The following TMTC1 variants were observed in gnomAD, a reference collection of about 807,000 sequenced individuals.
The protein encoded by TMTC1 is transmembrane O-mannosyltransferase targeting cadherins 1.
TMTC1 carries 73 observed loss-of-function variants against 104.8 expected under a neutral mutation model. The ratio of observed to expected loss-of-function variants is 0.70; its 90% CI spans 0.58 to 0.85. The LOEUF (loss-of-function observed/expected upper bound fraction) is 0.85, where lower values mean the gene tolerates loss of function less well. Ranked by LOEUF, TMTC1 falls within the 40% of genes least tolerant of loss-of-function variation. TMTC1 has a pLI of 0.00. For missense variants in TMTC1, 1,035 were observed against 1,096.1 expected (o/e 0.94, Z 0.79); for synonymous variants, 434 against 428.7 (o/e 1.01, Z -0.15).
chr12:29,775,683 G>C (rs904685384), intron 1 of TMTC1, among the ~76,000 whole-genome samples: 1 of 152,142 alleles, frequency 6.6e-6, no homozygotes, highest in Non-Finnish European at 1.5e-5. Context: ...GGGGGTCCCA[G>C]TATGTAGGCA....
intron 11 of TMTC1, among the ~76,000 whole-genome samples, chr12:29,522,020 C>T (rs368107861): frequency 1.5e-4 from 23 of 152,240 alleles, no homozygotes; most frequent in African/African-American, 4.8e-4. Context: ...AGTACAGCTG[C>T]GATGGTCATG....
At chr12:29,648,072 A>T (rs953377570) in intron 5 of TMTC1, among the ~76,000 whole-genome samples, 4 of 152,230 alleles carry the variant, frequency 2.6e-5, no homozygotes, top group Admixed American at 6.5e-5. Context: ...TCAAAGGATC[A>T]CATTTCTGAA....
intron 10 of TMTC1, among the ~76,000 whole-genome samples, chr12:29,537,475 T>C (rs1324536426): frequency 6.6e-6 from 1 of 152,232 alleles, no homozygotes; most frequent in African/African-American, 2.4e-5. Context: ...TTCGGAGTGC[T>C]CTTCCATCAT....
chr12:29,633,181 G>A lies in TMTC1; in HGVS notation c.1094C>T (p.Ala365Val), dbSNP rs1938384215. The A allele has an allele frequency of 6.2e-7, 1 of 1,613,946 alleles. No homozygotes were observed. Among genetic ancestry groups the A allele is most frequent in the Non-Finnish European group, 8.5e-7 (1 of 1,179,916 alleles). ...TGCTAAGCAGTGCAGGCTCAATAAG[G>A]CCATCACAACCGCCAGAAAGATGGT... ...LATIFLAVVM[A>V]LLSLHCLAAF... is the part of the protein sequence containing the mutation. The change falls in exon 6 of 18, where the codon GCC (alanine) becomes GTC (valine). Residue 365 changes from alanine (A) to valine (V), a missense_variant. Physicochemically the swap from Ala to Val is moderately conservative, Grantham distance 64. Coordinates refer to ENST00000539277, the MANE Select transcript of TMTC1 (RefSeq NM_001193451.2).
At chr12:29,586,487 T>C (rs1341844820) in intron 7 of TMTC1, among the ~76,000 whole-genome samples, 1 of 152,092 alleles carries the variant, frequency 6.6e-6, no homozygotes, top group African/African-American at 2.4e-5. Context: ...ATAGGAGTGG[T>C]GAGAGAGGAC....
At chr12:29,682,043 T>A (rs767641444) in intron 5 of TMTC1, among the ~76,000 whole-genome samples, 1 of 152,118 alleles carries the variant, frequency 6.6e-6, no homozygotes, top group Admixed American at 6.6e-5. Flanking sequence ...AATTAAGAAC[T>A]CCCAAAACTC....
At chr12:29,685,174 C>T (rs1941053196) in intron 5 of TMTC1, among the ~76,000 whole-genome samples, 1 of 151,906 alleles carries the variant, frequency 6.6e-6, no homozygotes, top group African/African-American at 2.4e-5. Flanking sequence ...TACTATCATT[C>T]AGCAGCAGCA....
chr12:29,674,888 C>T (rs1482759661), intron 5 of TMTC1, among the ~76,000 whole-genome samples: 2 of 152,248 alleles, frequency 1.3e-5, no homozygotes, highest in African/African-American at 4.8e-5. Flanking sequence ...TGATCTACTA[C>T]TATGATTATT....
intron 9 of TMTC1, among the ~76,000 whole-genome samples, chr12:29,566,710 C>T (rs12826893): frequency 4.6e-5 from 7 of 152,164 alleles, no homozygotes; most frequent in South Asian, 2.1e-4. Context: ...ATTTACTGAG[C>T]GTGTCATTGC....
intron 5 of TMTC1, among the ~76,000 whole-genome samples, chr12:29,667,302 T>C (rs923785411): frequency 1.3e-5 from 2 of 152,218 alleles, no homozygotes; most frequent in South Asian, 2.1e-4. Flanking sequence ...GAGCTCACTA[T>C]TCTAAGAAAA....
At chr12:29,669,412 T>C (rs1039278040) in intron 5 of TMTC1, among the ~76,000 whole-genome samples, 1 of 152,146 alleles carries the variant, frequency 6.6e-6, no homozygotes, top group African/African-American at 2.4e-5. Context: ...CCCCATCTGA[T>C]TTCCAATAGT....
In TMTC1 at chr12:29,689,535, G is replaced by A. The variant is rs182682681; in HGVS notation, c.939-56199C>T. ...TCACCATGTTGGCCAGGCTGGTCTCGAACTCCCGACCTCGTGATCTGTCCG... is the reference window on the plus strand; with the variant it reads ...TCACCATGTTGGCCAGGCTGGTCTCAAACTCCCGACCTCGTGATCTGTCCG... On this transcript the variant is annotated intron_variant, in intron 5 of 17. Coordinates refer to ENST00000539277, the MANE Select transcript of TMTC1 (RefSeq NM_001193451.2). 6.4e-3 allele frequency among the ~76,000 whole-genome samples: 977 copies of A among 152,232 alleles called. 7 individuals are homozygous for A. Among genetic ancestry groups the A allele is most frequent in the Middle Eastern group, 0.017 (5 of 294 alleles).
intron 6 of TMTC1, among the ~76,000 whole-genome samples, chr12:29,609,104 T>C (rs746502990): frequency 1.8e-4 from 28 of 152,214 alleles, no homozygotes; most frequent in Non-Finnish European, 3.1e-4. Flanking sequence ...ATAGTAATTA[T>C]TGTCATCATT....
At chr12:29,535,989 G>A in intron 11 of TMTC1, 1 of 523,026 alleles carries the variant, frequency 1.9e-6, no homozygotes, top group South Asian at 2.4e-5. Flanking sequence ...ATATATCAAT[G>A]GCCAATAACG....
chr12:29,539,089 AGT>A (rs1944722988), intron 10 of TMTC1, among the ~76,000 whole-genome samples: 1 of 152,210 alleles, frequency 6.6e-6, no homozygotes, highest in Non-Finnish European at 1.5e-5. Context: ...TTTCTTCTAT[AGT>A]CTCTCTTGCT....
intron 11 of TMTC1, among the ~76,000 whole-genome samples, chr12:29,531,414 A>C (rs1265563300): frequency 6.6e-6 from 1 of 152,196 alleles, no homozygotes; most frequent in Non-Finnish European, 1.5e-5. Context: ...AAGCACATGA[A>C]GGAAAAATAT....
chr12:29,558,802 G>A (rs1945309746), intron 9 of TMTC1, among the ~76,000 whole-genome samples: 1 of 152,202 alleles, frequency 6.6e-6, no homozygotes, highest in African/African-American at 2.4e-5. Context: ...GGAGACAAGT[G>A]CTTGGTGCTC....
At position 29,515,331 on chromosome 12, in the gene TMTC1, C is replaced by T. The variant is rs561010855; in HGVS notation, c.2308-727G>A. ...AAGCAAATATCTGATCATGTTCCTC[C>T]TCTCCACAAAAACCCAAAGCTTCTC... On this transcript the variant is annotated intron_variant, in intron 15 of 17. Coordinates refer to ENST00000539277, the MANE Select transcript of TMTC1 (RefSeq NM_001193451.2). Among the ~76,000 whole-genome samples the T allele has an allele frequency of 9.9e-5, 15 of 152,234 alleles. No individual in the cohort carries two copies. The South Asian group carries it at 2.7e-3, about 27-fold the overall frequency.
At chr12:29,684,152 C>T (rs1373742776) in intron 5 of TMTC1, among the ~76,000 whole-genome samples, 1 of 152,194 alleles carries the variant, frequency 6.6e-6, no homozygotes, top group East Asian at 1.9e-4. Context: ...CCCTTCCTAT[C>T]ACTTCGAATA....
Sources: allele counts gnomAD v4.1 joint callset (sites outside exome capture counted in the v4.1 genomes callset), GRCh38; gene constraint gnomAD v4.1.1; transcripts MANE v1.5; gene names NCBI Gene and HGNC (gene_info 2026-07-23, HGNC 2026-07-21).